The following SNX19 variants were observed in gnomAD, a reference collection of about 807,000 sequenced individuals.
SNX19 encodes sorting nexin-19.
A neutral mutation model predicts 85.2 loss-of-function variants in SNX19; 60 were observed. That is an observed-to-expected ratio of 0.70 (90% CI 0.57 to 0.87). The LOEUF (loss-of-function observed/expected upper bound fraction) is 0.87. Among genes scored for constraint, SNX19 ranks in the 40% least tolerant of loss-of-function variants. The pLI is 0.00. For synonymous variants in SNX19, 520 were observed against 470.0 expected (o/e 1.11, Z -1.38); for missense variants, 1,201 against 1,217.8 (o/e 0.99, Z 0.21).
At chr11:130,895,590 G>A (rs6590529) in intron 8 of SNX19, among the ~76,000 whole-genome samples, 93,615 of 151,464 alleles carry the variant, frequency 0.62, 29,337 homozygotes, top group South Asian at 0.8. Context: ...GGCAAGAGAT[G>A]CCAAGAACCT....
In SNX19 at chr11:130,914,360, G is replaced by A. The variant is rs777560763; in HGVS notation, c.1580C>T (p.Pro527Leu). 13 of 1,613,732 alleles carry A rather than the reference G, an allele frequency of 8.1e-6. No homozygotes were observed. Among genetic ancestry groups the A allele is most frequent in the African/African-American group, 1.3e-5 (1 of 74,908 alleles). Reference protein sequence around the residue: ...SFEPLSSPDGPVIIQNLRITG... With the variant: ...SFEPLSSPDGLVIIQNLRITG... Reference sequence around the variant, plus strand: ...GATACGAAGGTTCTGGATGATAACTGGACCATCGGGACTGCTTAGGGGCTC... The same window carrying A: ...GATACGAAGGTTCTGGATGATAACTAGACCATCGGGACTGCTTAGGGGCTC... The change falls in exon 1 of 11, where the codon CCA becomes CTA. Residue 527 changes from proline (P) to leucine (L), a missense_variant. Transcript: ENST00000265909.
Position 130,871,170 on chromosome 11 carries a change from G to T in SNX19, c.*7252C>A, listed in dbSNP as rs139448131. Among the ~76,000 whole-genome samples the T allele has an allele frequency of 1.3e-4, 20 of 152,182 alleles. No homozygotes were observed. The highest frequency in any genetic ancestry group is 3.4e-3 in the Middle Eastern group (1 of 294). The stretch of plus-strand genomic sequence containing the variant: ...AATAAAAAATCCCTAGATTTTTTTG[G>T]AAGTTTCTCGTCTAACCTCCTGCCT... On this transcript the variant is annotated 3_prime_UTR_variant, in exon 11 of 11. Transcript: ENST00000265909.
At position 130,874,401 on chromosome 11, in the gene SNX19, C is replaced by CT. The variant is rs1162742838; in HGVS notation, c.*4020dup. ...AAAACACAGAAGAGATGCTCCTGTT[C>CT]TTTTATGAATGTTATCTCTGGGTGT... is the stretch of plus-strand genomic sequence containing the variant. On this transcript the variant is annotated 3_prime_UTR_variant, in exon 11 of 11. Transcript: ENST00000265909. Among the ~76,000 whole-genome samples, 1 of 151,958 alleles carries CT rather than the reference C, an allele frequency of 6.6e-6. No individual in the cohort carries two copies. The highest frequency in any genetic ancestry group is 2.4e-5 in the African/African-American group (1 of 41,422).
chr11:130,911,446 A>T (rs1946116176), intron 2 of SNX19, 187 bp downstream of exon 2: 1 of 1,411,920 alleles, frequency 7.1e-7, no homozygotes, highest in Non-Finnish European at 9.2e-7. Flanking sequence ...GCAGTAAAGG[A>T]CTACCTCTGA....
chr11:130,905,837 T>TGCTGGAGTTCCA lies in SNX19; in HGVS notation c.2443+115_2443+116insTGGAACTCCAGC, dbSNP rs752689544. 3.8e-6 allele frequency: 6 copies of TGCTGGAGTTCCA among 1,568,850 alleles called. 1 individual carries two copies. In the South Asian group the frequency reaches 6.9e-5, roughly 18 times the overall value. ...ACCTCCAACACTGGAGTTCAACACA[T>TGCTGGAGTTCCA]GGCATGCTCAGCTGAATGGAACAGA... On this transcript the variant is annotated intron_variant, in intron 7 of 10. Transcript: ENST00000265909.
chr11:130,878,690 TTAA>T (rs1943426994), intron 10 of SNX19, 136 bp from the exon 11 acceptor site: 1 of 1,131,666 alleles, frequency 8.8e-7, no homozygotes, highest in Non-Finnish European at 1.2e-6. Context: ...TGCCATGAAA[TTAA>T]TGTTTTTTGA....
At chr11:130,880,899 G>A (rs921849565) in intron 8 of SNX19, 93 bp from the exon 9 acceptor site, 6 of 1,128,106 alleles carry the variant, frequency 5.3e-6, no homozygotes, top group East Asian at 4.9e-5. Flanking sequence ...CTGCAGATTC[G>A]TGTGTCAAAA....
chr11:130,884,639 G>A (rs1295552948), intron 8 of SNX19, among the ~76,000 whole-genome samples: 4 of 151,980 alleles, frequency 2.6e-5, no homozygotes, highest in East Asian at 1.9e-4. Context: ...AGGCTGAGGC[G>A]GGCAGATCAC....
At chr11:130,879,994 C>T (rs1943544065) in intron 9 of SNX19, among the ~76,000 whole-genome samples, 1 of 152,176 alleles carries the variant, frequency 6.6e-6, no homozygotes, top group Non-Finnish European at 1.5e-5. Context: ...GGTTGGCAAA[C>T]AGAGTTATAA....
intron 2 of SNX19, 84 bp downstream of exon 2, chr11:130,911,549 G>C (rs1207087206): frequency 6.3e-7 from 1 of 1,587,284 alleles, no homozygotes; most frequent in African/African-American, 1.3e-5. Context: ...TCTCCTCCCC[G>C]ATCCCTCCCA....
Position 130,880,676 on chromosome 11 carries a change from G to A in SNX19, c.2704C>T (p.Gln902Ter), listed in dbSNP as rs1037731153. The A allele has an allele frequency of 3.7e-6, 6 of 1,611,970 alleles. No individual in the cohort carries two copies. The highest frequency in any genetic ancestry group is 5.1e-6 in the Non-Finnish European group (6 of 1,178,394). ...KFPRPVRTQEQKLAAEKQALQ... is the reference protein window; with the variant it reads ...KFPRPVRTQE ...GCCTGTTTCTCAGCAGCCAGTTTCT[G>A]CTCTTGGGTCCTTACGGGCCGTGGA... is the stretch of plus-strand genomic sequence containing the variant. Residue 902 changes from glutamine to a stop codon, truncating the protein, a stop_gained, in exon 9 of 11, where the codon CAG becomes TAG. Transcript: ENST00000265909. LOFTEE classifies it high-confidence loss of function.
At position 130,910,206 on chromosome 11, in the gene SNX19, G is replaced by C; in HGVS notation, c.1914+64C>G. ...TCCCCAAATCTCTCCACCTTGGCTT[G>C]GGTGTTCTGGGGTTAGACACCCAGG... is the stretch of plus-strand genomic sequence containing the variant. On this transcript the variant is annotated intron_variant, in intron 3 of 10. Transcript: ENST00000265909. 1.9e-6 allele frequency: 3 copies of C among 1,613,204 alleles called. No individual in the cohort carries two copies. The South Asian group carries it at 3.3e-5, about 18-fold the overall frequency.
chr11:130,893,805 C>G (rs780437591), intron 8 of SNX19: 18 of 702,258 alleles, frequency 2.6e-5, no homozygotes, highest in Non-Finnish European at 4.2e-5. Context: ...CCCAGGAAGG[C>G]TGAATCCTCT....
At position 130,871,520 on chromosome 11, in the gene SNX19, G is replaced by A. The variant is rs12364918; in HGVS notation, c.*6902C>T. On this transcript the variant is annotated 3_prime_UTR_variant, in exon 11 of 11. Coordinates refer to ENST00000265909, the MANE Select transcript of SNX19 (RefSeq NM_014758.3). Reference sequence around the variant, plus strand: ...ATGAAAAGCAGTATTTCATATCAACGTTCATGGTTAATCTTTTTGATAGTT... The same window carrying A: ...ATGAAAAGCAGTATTTCATATCAACATTCATGGTTAATCTTTTTGATAGTT... 0.35 allele frequency among the ~76,000 whole-genome samples: 52,593 copies of A among 151,934 alleles called. 9,975 individuals carry two copies. The highest frequency in any genetic ancestry group is 0.51 in the African/African-American group (21,102 of 41,420).
rs187607071 is a variant in SNX19 at position 130,873,119 on chromosome 11, C to A, written c.*5303G>T. On this transcript the variant is annotated 3_prime_UTR_variant, in exon 11 of 11. Transcript: ENST00000265909. Reference sequence around the variant, plus strand: ...AAATTTGCATTTTAACCCGATCCCACGTGAATCACACACACATTAAAATTT... The same window carrying A: ...AAATTTGCATTTTAACCCGATCCCAAGTGAATCACACACACATTAAAATTT... Among the ~76,000 whole-genome samples, 43 of 152,328 alleles carry A rather than the reference C, an allele frequency of 2.8e-4. No homozygotes were observed. Among genetic ancestry groups the A allele is most frequent in the Admixed American group, 9.8e-4 (15 of 15,304 alleles).
chr11:130,903,529 G>A, intron 7 of SNX19, 145 bp from the exon 8 acceptor site: 3 of 764,560 alleles, frequency 3.9e-6, no homozygotes, highest in Non-Finnish European at 5.8e-6. Flanking sequence ...CAAATCAAAA[G>A]AGGTTTAACT....
Position 130,915,009 on chromosome 11 carries a change from G to C in SNX19, c.931C>G (p.Pro311Ala), listed in dbSNP as rs1431751180. 1.2e-6 allele frequency: 2 copies of C among 1,614,152 alleles called. No homozygotes were observed. The highest frequency in any genetic ancestry group is 1.7e-6 in the Non-Finnish European group (2 of 1,180,020). Residue 311 changes from proline (P) to alanine (A), a missense_variant, in exon 1 of 11, where the codon CCA becomes GCA. This residue lies in a region of SNX19 where 791 missense variants were observed against 750.9 expected (regional missense o/e 1.05). Coordinates refer to ENST00000265909, the MANE Select transcript of SNX19 (RefSeq NM_014758.3). ...GGCTCACTGTAACTTAGGAATACTG[G>C]GGCTGCTACTGGAGAAGCTCTCCCT... ...PEGRASPVAA[P>A]VFLSYSEPEG...
At chr11:130,887,970 C>T (rs560120599) in intron 8 of SNX19, among the ~76,000 whole-genome samples, 1 of 152,116 alleles carries the variant, frequency 6.6e-6, no homozygotes. Flanking sequence ...TTGAGCCTTC[C>T]TTTAGATTTA....
Position 130,870,551 on chromosome 11 carries a change from G to A in SNX19, c.*7871C>T, listed in dbSNP as rs1016678259. Among the ~76,000 whole-genome samples the A allele has an allele frequency of 2.4e-4, 36 of 152,336 alleles. No individual in the cohort carries two copies. The Middle Eastern group carries it at 0.01, about 43-fold the overall frequency. ...TCTGGGGCAGGTCTGGTACAGACTA[G>A]CCAGTGCCCTCCACTGGAATAAGTG... On this transcript the variant is annotated 3_prime_UTR_variant, in exon 11 of 11. Transcript: ENST00000265909.
Sources: gnomAD v4.1 joint callset for allele counts (sites outside exome capture counted in the v4.1 genomes callset) on GRCh38, gnomAD v4.1.1 for gene constraint, gnomAD v4.1.1 regional missense constraint, MANE v1.5 for transcripts, NCBI Gene and HGNC (gene_info 2026-07-23, HGNC 2026-07-21) for gene names.